LRP5: variants seen among roughly 807,000 people sequenced by gnomAD.
LRP5 encodes LDL receptor related protein 5.
Under a neutral mutation model 154.1 loss-of-function variants are expected in LRP5, and 62 were observed. The ratio of observed to expected loss-of-function variants is 0.40; its 90% confidence interval spans 0.33 to 0.50. LRP5 has a LOEUF of 0.50. Ranked by LOEUF, LRP5 falls within the 20% of genes least tolerant of loss-of-function variation. LRP5 has a pLI of 0.55. For synonymous variants in LRP5, 966 were observed against 1,011.5 expected, an observed-to-expected ratio of 0.96 and a Z score of 0.85; for missense variants, 1,915 against 2,336.7, an observed-to-expected ratio of 0.82 and a Z score of 3.72.
chr11:68,422,186 G>A (rs982342855), intron 13 of LRP5, among the ~76,000 whole-genome samples: 1 of 152,184 alleles, frequency 6.6e-6, no homozygotes, highest in African/African-American at 2.4e-5. Flanking sequence ...GAACTCAAGT[G>A]ATTCTCCCAC....
At chr11:68,440,039 T>C in intron 21 of LRP5, 123 bp downstream of exon 21, 1 of 825,944 alleles carries the variant, frequency 1.2e-6, no homozygotes, top group Non-Finnish European at 1.8e-6. Flanking sequence ...TGAGGCATGC[T>C]TGCTTTCTTC....
chr11:68,422,866 C>T (rs1439193002), intron 13 of LRP5, among the ~76,000 whole-genome samples: 2 of 151,174 alleles, frequency 1.3e-5, no homozygotes, highest in Non-Finnish European at 3.0e-5. Flanking sequence ...CCCGCCCCTG[C>T]ACCCTCACCT....
In LRP5 at chr11:68,419,793, C is replaced by T. The variant is rs144472107; in HGVS notation, c.3027+3266C>T. Among the ~76,000 whole-genome samples, 907 of 152,152 alleles carry T rather than the reference C, an allele frequency of 6.0e-3. 12 individuals carry two copies. The highest frequency in any genetic ancestry group is 0.021 in the African/African-American group (856 of 41,508). ...TCCTAACCTGGTGATCCGCCCGCCT[C>T]GGCCTCCCAAAATGCTGAGATTACA... On this transcript the variant is annotated intron_variant, in intron 13 of 22. Transcript: ENST00000294304.
chr11:68,387,305 G>C (rs1406930665), intron 6 of LRP5, among the ~76,000 whole-genome samples: 2 of 152,032 alleles, frequency 1.3e-5, no homozygotes, highest in Non-Finnish European at 2.9e-5. Context: ...GGTAGAGATG[G>C]GGTTTCACCG....
At position 68,375,957 on chromosome 11, in the gene LRP5, G is replaced by A. The variant is rs1210242181; in HGVS notation, c.1015+10255G>A. Among the ~76,000 whole-genome samples, 10 of 152,332 alleles carry A rather than the reference G, an allele frequency of 6.6e-5. No homozygotes were observed. In the East Asian group the frequency reaches 1.5e-3, roughly 24 times the overall value. On this transcript the variant is annotated intron_variant, in intron 5 of 22. Transcript: ENST00000294304. ...CTGCACTTGTGATAGGTGGGGCCGC[G>A]TGAACTGCTGATAGCCATCTTCTGT...
At chr11:68,361,649 A>G (rs1241979726) in intron 3 of LRP5, among the ~76,000 whole-genome samples, 1 of 151,916 alleles carries the variant, frequency 6.6e-6, no homozygotes, top group Non-Finnish European at 1.5e-5. Context: ...AAAAACAAAA[A>G]CAAAAAAAAA....
chr11:68,429,885 CTAAG>C (rs2098670983), intron 17 of LRP5, among the ~76,000 whole-genome samples, 185 bp downstream of exon 17: 1 of 152,232 alleles, frequency 6.6e-6, no homozygotes, highest in Non-Finnish European at 1.5e-5. Flanking sequence ...GAATTTTCCT[CTAAG>C]TACTGCGTTT....
chr11:68,406,459 T>C, intron 8 of LRP5, 65 bp from the exon 9 acceptor site: 2 of 1,540,964 alleles, frequency 1.3e-6, no homozygotes, highest in Non-Finnish European at 1.8e-6. Context: ...TTGTGTGGCT[T>C]GGCCGCACCC....
intron 2 of LRP5, among the ~76,000 whole-genome samples, chr11:68,356,421 G>A (rs1010226228): frequency 6.6e-6 from 1 of 152,056 alleles, no homozygotes; most frequent in Non-Finnish European, 1.5e-5. Flanking sequence ...ACAGGTGCAA[G>A]CCATCGTGCC....
intron 1 of LRP5, among the ~76,000 whole-genome samples, chr11:68,333,140 A>G (rs1179646203): frequency 6.6e-6 from 1 of 152,192 alleles, no homozygotes; most frequent in Non-Finnish European, 1.5e-5. Flanking sequence ...CCGCCACCCC[A>G]GTAGGAGAGA....
chr11:68,411,509 A>G lies in LRP5; in HGVS notation c.2392A>G (p.Thr798Ala), dbSNP rs80358316. 23 of 1,613,732 alleles carry G rather than the reference A, an allele frequency of 1.4e-5. No individual in the cohort carries two copies. In the East Asian group the frequency reaches 4.9e-4, roughly 34 times the overall value. ...RAFMDGTNCM[T>A]LVDKVGRAND... ...CTTCATGGACGGGACCAACTGCATG[A>G]CGCTGGTGGACAAGGTGGGCCGGGC... The change falls in exon 11 of 23, where the codon ACG becomes GCG. Residue 798 changes from threonine (T) to alanine (A), a missense_variant. This residue lies in a region of LRP5 where 1,094 missense variants were observed against 1,210.1 expected (regional missense o/e 0.90). Transcript: ENST00000294304.
chr11:68,372,093 A>T (rs887184307), intron 5 of LRP5, among the ~76,000 whole-genome samples: 5 of 152,220 alleles, frequency 3.3e-5, no homozygotes, highest in Admixed American at 2.0e-4. Flanking sequence ...CCTGTTCCCG[A>T]GGGAGGCATT....
At chr11:68,421,026 A>G (rs2098665257) in intron 13 of LRP5, among the ~76,000 whole-genome samples, 1 of 152,124 alleles carries the variant, frequency 6.6e-6, no homozygotes, top group Admixed American at 6.6e-5. Context: ...GGAGATCAAG[A>G]CCATCCTGGC....
chr11:68,415,746 C>CAAAT (rs61582735), intron 12 of LRP5, among the ~76,000 whole-genome samples: 52,335 of 68,772 alleles, frequency 0.76, 24,514 homozygotes, highest in East Asian at 0.98. Flanking sequence ...AACTCCATCT[C>CAAAT]GAATGAATGA....
At chr11:68,358,368 C>T (rs1448151393) in intron 3 of LRP5, among the ~76,000 whole-genome samples, 2 of 152,212 alleles carry the variant, frequency 1.3e-5, no homozygotes, top group African/African-American at 4.8e-5. Flanking sequence ...TTCCCCTCGG[C>T]TCCCAGAGTG....
chr11:68,418,294 A>G (rs893398577), intron 13 of LRP5, among the ~76,000 whole-genome samples: 1 of 151,880 alleles, frequency 6.6e-6, no homozygotes, highest in Non-Finnish European at 1.5e-5. Flanking sequence ...AGTCCCAGCT[A>G]CTCGGGAGGC....
At chr11:68,422,128 G>A (rs1484374498) in intron 13 of LRP5, among the ~76,000 whole-genome samples, 1 of 151,806 alleles carries the variant, frequency 6.6e-6, no homozygotes, top group African/African-American at 2.4e-5. Context: ...AATTTTTTTT[G>A]ATACAGATGG....
intron 7 of LRP5, among the ~76,000 whole-genome samples, chr11:68,392,014 G>A (rs2153156458): frequency 1.3e-5 from 2 of 152,230 alleles, no homozygotes; most frequent in South Asian, 4.2e-4. Flanking sequence ...GCTAGTTTTT[G>A]TGTATTTTTT....
chr11:68,389,454 A>G (rs2098645050), intron 6 of LRP5, among the ~76,000 whole-genome samples: 1 of 152,194 alleles, frequency 6.6e-6, no homozygotes, highest in African/African-American at 2.4e-5. Flanking sequence ...ACTGATATCT[A>G]CTGACACTGG....
Sources: allele counts gnomAD v4.1 joint callset (sites outside exome capture counted in the v4.1 genomes callset), GRCh38; gene constraint gnomAD v4.1.1; regional missense constraint gnomAD v4.1.1; transcripts MANE v1.5; gene names NCBI Gene and HGNC (gene_info 2026-07-23, HGNC 2026-07-21).